SYT16: variants seen among roughly 807,000 people sequenced by gnomAD.
SYT16 encodes the protein synaptotagmin 16.
In SYT16, 42 loss-of-function variants were observed where a neutral mutation model predicts 61.4. The ratio of observed to expected loss-of-function variants is 0.68; its 90% CI spans 0.53 to 0.89. The LOEUF (loss-of-function observed/expected upper bound fraction) is 0.89, where lower values mean the gene tolerates loss of function less well. SYT16 is among the 40% of genes least tolerant of loss of function. The probability of loss-of-function intolerance (pLI) is 0.00; values close to 1 mark genes in which losing one functional copy is unlikely to be tolerated. For synonymous variants in SYT16, 314 were observed against 302.3 expected (o/e 1.04, Z -0.40); for missense variants, 804 against 807.3 (o/e 1.00, Z 0.05).
chr14:62,008,190 C>T (rs1405901216), intron 3 of SYT16, among the ~76,000 whole-genome samples: 2 of 151,906 alleles, frequency 1.3e-5, no homozygotes, highest in African/African-American at 2.4e-5. Context: ...TCCTTTCTTT[C>T]TTCGCTGGTA....
chr14:61,938,201 T>C (rs904673510), intron 1 of SYT16, among the ~76,000 whole-genome samples: 5 of 152,160 alleles, frequency 3.3e-5, no homozygotes, highest in African/African-American at 1.2e-4. Context: ...CAGGCTCTGC[T>C]TTCACACGTT....
At chr14:61,889,872 C>A (rs2048057785) in intron 1 of SYT16, among the ~76,000 whole-genome samples, 1 of 151,776 alleles carries the variant, frequency 6.6e-6, no homozygotes, top group Non-Finnish European at 1.5e-5. Flanking sequence ...ACTCATTTAG[C>A]AGTATTTTTT....
chr14:62,064,076 TAA>T (rs2055948748), intron 3 of SYT16, among the ~76,000 whole-genome samples: 1 of 152,088 alleles, frequency 6.6e-6, no homozygotes, highest in Non-Finnish European at 1.5e-5. Flanking sequence ...GATGAAGAGG[TAA>T]AGATTTTAAT....
At chr14:61,837,299 C>A (rs890720817) in intron 1 of SYT16, among the ~76,000 whole-genome samples, 1 of 145,522 alleles carries the variant, frequency 6.9e-6, no homozygotes, top group Admixed American at 7.1e-5. Context: ...TGCAGTGGTG[C>A]GATCTTGGTT....
intron 2 of SYT16, among the ~76,000 whole-genome samples, chr14:61,977,099 C>T (rs541255688): frequency 1.3e-5 from 2 of 152,140 alleles, no homozygotes; most frequent in Admixed American, 6.5e-5. Flanking sequence ...TCTGAGACCA[C>T]CTCAGCCTGG....
intron 1 of SYT16, among the ~76,000 whole-genome samples, chr14:61,945,206 A>C (rs917982546): frequency 6.6e-6 from 1 of 152,216 alleles, no homozygotes; most frequent in Non-Finnish European, 1.5e-5. Flanking sequence ...TGCCAGTTAG[A>C]ATGGTGATTA....
At chr14:61,940,699 T>A (rs2050173336) in intron 1 of SYT16, among the ~76,000 whole-genome samples, 1 of 152,216 alleles carries the variant, frequency 6.6e-6, no homozygotes, top group Non-Finnish European at 1.5e-5. Flanking sequence ...TTGTCTTTGT[T>A]CTGAGTAGCT....
intron 1 of SYT16, among the ~76,000 whole-genome samples, chr14:61,957,157 C>T (rs2050910932): frequency 6.6e-6 from 1 of 151,650 alleles, no homozygotes. Flanking sequence ...ATTTTTAAAT[C>T]CTGCAGCATT....
chr14:61,918,866 A>AAGCATGT lies in SYT16; in HGVS notation c.-324-51263_-324-51257dup, dbSNP rs1377304672. ...TGAGAGAGAAAATTATTAGTGTTGC[A>AAGCATGT]AGCATGTAGGCAAGGCATTTCTAGG... is the stretch of plus-strand genomic sequence containing the variant. On this transcript the variant is annotated intron_variant, in intron 1 of 7. Coordinates refer to ENST00000683842, the MANE Select transcript of SYT16 (RefSeq NM_001367656.1). Among the ~76,000 whole-genome samples the AAGCATGT allele has an allele frequency of 3.9e-5, 6 of 152,294 alleles. No individual in the cohort carries two copies. In the Middle Eastern group the frequency reaches 0.01, roughly 259 times the overall value.
intron 1 of SYT16, among the ~76,000 whole-genome samples, chr14:61,876,274 A>G (rs1241560846): frequency 6.6e-6 from 1 of 152,270 alleles, no homozygotes; most frequent in African/African-American, 2.4e-5. Context: ...GCATTTAACC[A>G]GGAAAAATCT....
intron 1 of SYT16, among the ~76,000 whole-genome samples, chr14:61,913,017 T>TC (rs139703789): frequency 0.02 from 3,033 of 152,278 alleles, 102 homozygotes; most frequent in African/African-American, 0.068. Context: ...TGGTCCTTCT[T>TC]CATTTCATCC....
chr14:61,977,706 T>C (rs2051878153), intron 2 of SYT16, among the ~76,000 whole-genome samples: 1 of 152,144 alleles, frequency 6.6e-6, no homozygotes. Context: ...CCCCATTTTT[T>C]TGCCCACCTA....
chr14:61,975,317 G>A (rs1025302616), intron 2 of SYT16, among the ~76,000 whole-genome samples: 22 of 152,092 alleles, frequency 1.4e-4, no homozygotes, highest in African/African-American at 4.8e-4. Context: ...TAAATGGCAA[G>A]GCTGGGAGTC....
At chr14:61,871,521 C>T (rs1336874534) in intron 1 of SYT16, among the ~76,000 whole-genome samples, 1 of 152,194 alleles carries the variant, frequency 6.6e-6, no homozygotes, top group Non-Finnish European at 1.5e-5. Flanking sequence ...GACCTGCTCT[C>T]CAGGCAGTGA....
At chr14:61,886,618 CTCCACGTCTAAT>C (rs2047908882) in intron 1 of SYT16, among the ~76,000 whole-genome samples, 1 of 152,206 alleles carries the variant, frequency 6.6e-6, no homozygotes, top group Non-Finnish European at 1.5e-5. Context: ...GATCTTTAGG[CTCCACGTCTAAT>C]TCCAGTTCTC....
chr14:62,026,447 G>A (rs543018572), intron 3 of SYT16, among the ~76,000 whole-genome samples: 1 of 152,276 alleles, frequency 6.6e-6, no homozygotes, highest in African/African-American at 2.4e-5. Context: ...GCAGAAGGTG[G>A]AAGGGCAAGA....
At chr14:61,858,112 C>A (rs2046832732) in intron 1 of SYT16, among the ~76,000 whole-genome samples, 1 of 69,852 alleles carries the variant, frequency 1.4e-5, no homozygotes, top group Admixed American at 2.4e-4. Context: ...AGGAAAGGCA[C>A]AGCTTGGCAA....
At chr14:62,043,510 C>T (rs2054830297) in intron 3 of SYT16, among the ~76,000 whole-genome samples, 1 of 151,102 alleles carries the variant, frequency 6.6e-6, no homozygotes, top group South Asian at 2.1e-4. Flanking sequence ...CTGGTTCACG[C>T]CATTCTCTTG....
chr14:61,827,586 T>C (rs2045810897), intron 1 of SYT16, among the ~76,000 whole-genome samples: 1 of 152,238 alleles, frequency 6.6e-6, no homozygotes, highest in Admixed American at 6.5e-5. Context: ...TAATCAATGC[T>C]ATTATTGTTA....
Sources: gnomAD v4.1 joint callset for allele counts (sites outside exome capture counted in the v4.1 genomes callset) on GRCh38, gnomAD v4.1.1 for gene constraint, MANE v1.5 for transcripts, NCBI Gene and HGNC (gene_info 2026-07-23, HGNC 2026-07-21) for gene names.